GPC6: variants seen among roughly 807,000 people sequenced by gnomAD.
GPC6 encodes the protein glypican-6.
Under a neutral mutation model 55.2 loss-of-function variants are expected in GPC6, and 14 were observed. The ratio of observed to expected loss-of-function variants is 0.25; its 90% CI spans 0.17 to 0.40. The LOEUF (loss-of-function observed/expected upper bound fraction) is 0.40. Ranked by LOEUF, GPC6 falls within the 10% of genes least tolerant of loss-of-function variation. The pLI is 1.00. For synonymous variants in GPC6, 278 were observed against 259.6 expected (o/e 1.07, Z -0.68); for missense variants, 641 against 708.5 (o/e 0.90, Z 1.08).
At chr13:93,825,415 A>T (rs67112141) in intron 2 of GPC6, among the ~76,000 whole-genome samples, 31 of 152,112 alleles carry the variant, frequency 2.0e-4, no homozygotes, top group Non-Finnish European at 4.0e-4. Context: ...CACAAGCTGC[A>T]GCTTGCAAAG....
chr13:93,343,992 C>T (rs1290141358), intron 1 of GPC6, among the ~76,000 whole-genome samples: 6 of 152,182 alleles, frequency 3.9e-5, no homozygotes, highest in Admixed American at 3.9e-4. Flanking sequence ...TTAGTGTCAA[C>T]AGGGTGCCTT....
chr13:94,340,681 T>C (rs978134408), intron 6 of GPC6, among the ~76,000 whole-genome samples: 2 of 152,344 alleles, frequency 1.3e-5, no homozygotes, highest in Middle Eastern at 3.4e-3. Flanking sequence ...GGTACTTAAA[T>C]GGAACCACTG....
chr13:93,756,386 TC>T (rs1884770827), intron 2 of GPC6, among the ~76,000 whole-genome samples: 1 of 152,128 alleles, frequency 6.6e-6, no homozygotes, highest in African/African-American at 2.4e-5. Flanking sequence ...TGCAGTCTCT[TC>T]CCAAAGACAG....
rs377606825 is a variant in GPC6 at position 94,061,794 on chromosome 13, GA to G, written c.877+33912del. 9.2e-3 allele frequency among the ~76,000 whole-genome samples: 1,290 copies of G among 140,968 alleles called. 18 individuals are homozygous for G. The highest frequency in any genetic ancestry group is 0.027 in the African/African-American group (1,042 of 38,168). 92.5% of individuals were successfully genotyped at this position (140,968 alleles called of 152,430 possible). On this transcript the variant is annotated intron_variant, in intron 4 of 8. Coordinates refer to ENST00000377047, the MANE Select transcript of GPC6 (RefSeq NM_005708.5). ...CCATCGGGGAGAGTCAGCCCTGGGGGAAAAAAAAAAAACAAAAATGTAGTTT... is the reference window on the plus strand; with the variant it reads ...CCATCGGGGAGAGTCAGCCCTGGGGGAAAAAAAAAAACAAAAATGTAGTTT...
intron 4 of GPC6, among the ~76,000 whole-genome samples, chr13:94,189,025 G>A (rs954199956): frequency 1.3e-5 from 2 of 152,088 alleles, no homozygotes; most frequent in East Asian, 3.9e-4. Flanking sequence ...TGTTGTTATA[G>A]GGATTCCTAA....
chr13:93,364,059 C>T (rs28402357), intron 1 of GPC6, among the ~76,000 whole-genome samples: 41 of 152,104 alleles, frequency 2.7e-4, no homozygotes, highest in African/African-American at 7.0e-4. Flanking sequence ...GAGTAGGTTG[C>T]GAAAATTTTC....
At chr13:93,225,411 A>C (rs920997713), upstream of GPC6, among the ~76,000 whole-genome samples, 17 of 152,238 alleles carry the variant, frequency 1.1e-4, no homozygotes, top group African/African-American at 4.1e-4. Context: ...ATATTGTGAA[A>C]GCAAAAAACT....
At chr13:94,220,802 G>A (rs1300607997) in intron 4 of GPC6, among the ~76,000 whole-genome samples, 2 of 152,174 alleles carry the variant, frequency 1.3e-5, no homozygotes, top group Middle Eastern at 3.4e-3. Flanking sequence ...TAGGACACTA[G>A]TCTTGTTGAA....
intron 2 of GPC6, among the ~76,000 whole-genome samples, chr13:93,601,902 C>T (rs909602468): frequency 1.3e-5 from 2 of 152,202 alleles, no homozygotes; most frequent in Admixed American, 6.5e-5. Context: ...TTTGTCTTCT[C>T]GTTTCCTGCA....
chr13:94,370,561 C>A (rs1378691962), intron 6 of GPC6, among the ~76,000 whole-genome samples: 4 of 152,136 alleles, frequency 2.6e-5, no homozygotes, highest in Non-Finnish European at 4.4e-5. Context: ...CTTATTTAAC[C>A]AATGTTTTGG....
intron 3 of GPC6, among the ~76,000 whole-genome samples, chr13:93,997,914 C>G (rs1881630608): frequency 6.6e-6 from 1 of 152,126 alleles, no homozygotes; most frequent in Non-Finnish European, 1.5e-5. Flanking sequence ...AATGATGAGT[C>G]CTTCCCTTCC....
intron 1 of GPC6, among the ~76,000 whole-genome samples, chr13:93,431,029 A>G (rs180690549): frequency 1.3e-5 from 2 of 151,226 alleles, no homozygotes; most frequent in Admixed American, 1.3e-4. Context: ...GTGTTTGGAG[A>G]ACAATATTAT....
chr13:93,881,804 C>T (rs1874992507), intron 3 of GPC6, among the ~76,000 whole-genome samples: 1 of 152,084 alleles, frequency 6.6e-6, no homozygotes, highest in African/African-American at 2.4e-5. Flanking sequence ...CAATGCCTTG[C>T]TTATTTGTAA....
chr13:93,562,436 A>G (rs912371281), intron 2 of GPC6, among the ~76,000 whole-genome samples: 3 of 152,212 alleles, frequency 2.0e-5, no homozygotes, highest in Admixed American at 6.5e-5. Context: ...AAAGACAACT[A>G]GATCTTAACT....
intron 6 of GPC6, among the ~76,000 whole-genome samples, chr13:94,322,076 T>C (rs766134746): frequency 2.0e-5 from 3 of 152,212 alleles, no homozygotes; most frequent in Non-Finnish European, 4.4e-5. Context: ...GTAGCTCCCA[T>C]AATTCCCACG....
chr13:93,594,310 T>C (rs7989875), intron 2 of GPC6, among the ~76,000 whole-genome samples: 17,109 of 151,954 alleles, frequency 0.11, 2,150 homozygotes, highest in African/African-American at 0.31. Flanking sequence ...CTGATCCTCT[T>C]CCTCCTCCCA....
chr13:94,297,609 T>C (rs1875413710), intron 5 of GPC6, among the ~76,000 whole-genome samples: 1 of 152,236 alleles, frequency 6.6e-6, no homozygotes, highest in African/African-American at 2.4e-5. Context: ...ATTTCTTTTA[T>C]TGTAGAAAAG....
At chr13:93,673,917 A>G (rs1216937783) in intron 2 of GPC6, among the ~76,000 whole-genome samples, 3 of 152,096 alleles carry the variant, frequency 2.0e-5, no homozygotes, top group Non-Finnish European at 4.4e-5. Context: ...ATCCAAAACC[A>G]TGTTTTATGT....
intron 1 of GPC6, among the ~76,000 whole-genome samples, chr13:93,306,977 A>G (rs986237673): frequency 2.6e-5 from 4 of 152,144 alleles, no homozygotes; most frequent in Non-Finnish European, 4.4e-5. Flanking sequence ...AAGAGCAATA[A>G]ATGAAGCTTA....
Sources: allele counts gnomAD v4.1 joint callset (sites outside exome capture counted in the v4.1 genomes callset), GRCh38; gene constraint gnomAD v4.1.1; transcripts MANE v1.5; gene names NCBI Gene and HGNC (gene_info 2026-07-23, HGNC 2026-07-21).